The following MRTO4 variants were observed in gnomAD, a reference collection of about 807,000 sequenced individuals.
MRTO4 encodes the protein mRNA turnover protein 4 homolog.
MRTO4 carries 7 observed loss-of-function variants against 28.6 expected under a neutral mutation model. The observed-to-expected ratio is 0.24, with a 90% CI of 0.14 to 0.46. The LOEUF (loss-of-function observed/expected upper bound fraction) is 0.46. Among genes scored for constraint, MRTO4 ranks in the 20% least tolerant of loss-of-function variants. MRTO4 has a pLI of 0.99. For missense variants in MRTO4, 302 were observed against 298.3 expected (o/e 1.01, Z -0.09); for synonymous variants, 113 against 108.2 (o/e 1.04, Z -0.27).
intron 6 of MRTO4, 90 bp from the exon 7 acceptor site, chr1:19,258,387 G>A (rs2093674775): frequency 1.3e-6 from 2 of 1,498,762 alleles, no homozygotes; most frequent in African/African-American, 2.8e-5. Flanking sequence ...AGGGCAGGTG[G>A]CTGACTGGAT....
chr1:19,257,305 G>A, intron 4 of MRTO4, 149 bp from the exon 5 acceptor site: 1 of 1,163,806 alleles, frequency 8.6e-7, no homozygotes, highest in Non-Finnish European at 1.3e-6. Context: ...CGGACCCAAG[G>A]AATAGCAGCT....
rs374640659 is a variant in MRTO4 at position 19,258,572 on chromosome 1, G to A, written c.570+19G>A. The A allele has an allele frequency of 1.7e-5, 27 of 1,613,870 alleles. No individual in the cohort carries two copies. Among genetic ancestry groups the A allele is most frequent in the East Asian group, 6.7e-5 (3 of 44,894 alleles). ...CGTCCTGGTGAGTCTGGCGCCTTGC[G>A]GGCTGTTGCGGGCGGGGTTGCTGGC... On this transcript the variant is annotated intron_variant, in intron 7 of 7. Transcript: ENST00000330263.
At position 19,258,479 on chromosome 1, in the gene MRTO4, G is replaced by A. The variant is rs1213336995; in HGVS notation, c.496G>A (p.Val166Met). The change falls in exon 7 of 8, where the codon GTG becomes ATG. Residue 166 changes from valine to methionine, a missense_variant and splice_region_variant. Transcript: ENST00000330263. The stretch of plus-strand genomic sequence containing the variant: ...CTGAGAGCCACCCTCTTCTGCAGGT[G>A]TGGTGACTCTGCTGTCTGACTACGA... The part of the protein sequence containing the change: ...LGLPTALKRG[V>M]VTLLSDYEVC... 3 of 1,613,762 alleles carry A rather than the reference G, an allele frequency of 1.9e-6. No homozygotes were observed. The highest frequency in any genetic ancestry group is 2.5e-6 in the Non-Finnish European group (3 of 1,180,046).
At chr1:19,257,428 A>G in intron 4 of MRTO4, 26 bp from the exon 5 acceptor site, 2 of 1,613,860 alleles carry the variant, frequency 1.2e-6, no homozygotes. Context: ...TAATGTGACC[A>G]AGCTGTCCTC....
At chr1:19,258,413 C>A in intron 6 of MRTO4, 64 bp from the exon 7 acceptor site, 3 of 1,589,406 alleles carry the variant, frequency 1.9e-6, no homozygotes, top group South Asian at 1.1e-5. Flanking sequence ...CCAACATGAC[C>A]AGGGCAGAGA....
chr1:19,255,495 T>A (rs1264557049), intron 2 of MRTO4, among the ~76,000 whole-genome samples: 1 of 151,908 alleles, frequency 6.6e-6, no homozygotes, highest in Non-Finnish European at 1.5e-5. Flanking sequence ...CAACCTGGGC[T>A]GCAGGCTGGG....
In MRTO4 at chr1:19,259,031, G is replaced by C. The variant is rs975162227; in HGVS notation, c.*201G>C. The C allele has an allele frequency of 1.3e-5, 8 of 596,834 alleles. No individual in the cohort carries two copies. Among genetic ancestry groups the C allele is most frequent in the Non-Finnish European group, 2.3e-5 (8 of 349,938 alleles). The allele number at this position is 596,834 out of a possible 1,614,324, so 37.0% of individuals were successfully genotyped here. On this transcript the variant is annotated 3_prime_UTR_variant, in exon 8 of 8. Coordinates refer to ENST00000330263, the MANE Select transcript of MRTO4 (RefSeq NM_016183.4). ...GAATCCCAGCACTTTGGGAAGCCGA[G>C]GTGGGCAGATCATAAGGTCGGGAGA...
rs183271690 is a variant in MRTO4, at chr1:19,257,097, G to C, written c.225G>C (p.Val75=). 2.9e-5 allele frequency: 47 copies of C among 1,614,014 alleles called. No homozygotes were observed. The highest frequency in any genetic ancestry group is 3.8e-5 in the Non-Finnish European group (45 of 1,180,024). Residue 75 remains valine (V), a synonymous_variant, in exon 4 of 8, where the codon GTG becomes GTC. Coordinates refer to ENST00000330263, the MANE Select transcript of MRTO4 (RefSeq NM_016183.4). ...TTGGCAAAAACAAGGTGATGATGGT[G>C]GCCTTGGGTCGGAGCCCATCTGATG... The part of the protein sequence containing the change: ...MFFGKNKVMM[V]ALGRSPSDEY...
At chr1:19,257,744 C>G in intron 5 of MRTO4, 89 bp from the exon 6 acceptor site, 1 of 1,543,600 alleles carries the variant, frequency 6.5e-7, no homozygotes, top group African/African-American at 1.4e-5. Flanking sequence ...GGGGAAGGCC[C>G]AGGGCCACGG....
At chr1:19,255,913 T>C in intron 2 of MRTO4, 35 bp from the exon 3 acceptor site, 1 of 1,574,466 alleles carries the variant, frequency 6.4e-7, no homozygotes, top group Non-Finnish European at 8.7e-7. Flanking sequence ...TGTATGCTGC[T>C]GCTTGAACTC....
intron 2 of MRTO4, among the ~76,000 whole-genome samples, chr1:19,255,634 C>G (rs1161442265): frequency 1.3e-5 from 2 of 152,158 alleles, no homozygotes; most frequent in Non-Finnish European, 2.9e-5. Flanking sequence ...CCATGTGTTT[C>G]CATGTAGCAG....
intron 6 of MRTO4, 64 bp from the exon 7 acceptor site, chr1:19,258,413 C>T: frequency 5.7e-6 from 9 of 1,589,406 alleles, no homozygotes; most frequent in Non-Finnish European, 7.7e-6. Flanking sequence ...CCAACATGAC[C>T]AGGGCAGAGA....
rs771793428 is a variant in MRTO4, at chr1:19,257,984, G to A, written c.493G>A (p.Gly165Ser). Residue 165 changes from glycine to serine, a missense_variant and splice_region_variant, in exon 6 of 8, where the codon GGT (glycine) becomes AGT (serine). Gly to Ser is a moderately conservative substitution (Grantham distance 56, BLOSUM62 0). Coordinates refer to ENST00000330263, the MANE Select transcript of MRTO4 (RefSeq NM_016183.4). ...QLGLPTALKR[G>S]VVTLLSDYEV... ...GGGCCTGCCCACCGCCCTCAAGAGA[G>A]GTATGGGCAGCCCTGGAGCCAAAAG... 39 of 1,613,544 alleles carry A rather than the reference G, an allele frequency of 2.4e-5. 1 individual carries two copies. The South Asian group carries it at 3.6e-4, about 15-fold the overall frequency.
intron 1 of MRTO4, among the ~76,000 whole-genome samples, chr1:19,253,838 C>T (rs1024392414): frequency 1.3e-5 from 2 of 152,118 alleles, no homozygotes; most frequent in African/African-American, 2.4e-5. Flanking sequence ...GTTTCTGGAA[C>T]GATTTGATTC....
In MRTO4 at chr1:19,251,877, G is replaced by A. The variant is rs570613376; in HGVS notation, c.28+14G>A. The A allele has an allele frequency of 1.5e-5, 24 of 1,591,546 alleles. No homozygotes were observed. Among genetic ancestry groups the A allele is most frequent in the Non-Finnish European group, 2.1e-5 (24 of 1,169,716 alleles). On this transcript the variant is annotated intron_variant, in intron 1 of 7. Coordinates refer to ENST00000330263, the MANE Select transcript of MRTO4 (RefSeq NM_016183.4). ...GCGACAAGAAAGGTGGGCGAAGGGGGAGTCGGGACCCTGGGGGGAGCTCCG... is the reference window on the plus strand; with the variant it reads ...GCGACAAGAAAGGTGGGCGAAGGGGAAGTCGGGACCCTGGGGGGAGCTCCG...
chr1:19,251,890 G>C (rs1329663694), intron 1 of MRTO4, 27 bp downstream of exon 1: 2 of 1,586,206 alleles, frequency 1.3e-6, no homozygotes, highest in East Asian at 2.3e-5. Flanking sequence ...TCGGGACCCT[G>C]GGGGGAGCTC....
chr1:19,257,345 A>C, intron 4 of MRTO4, 109 bp from the exon 5 acceptor site: 1 of 1,370,832 alleles, frequency 7.3e-7, no homozygotes, highest in Non-Finnish European at 1.0e-6. Flanking sequence ...CTGCTATGAC[A>C]ACCAAAAACG....
intron 1 of MRTO4, among the ~76,000 whole-genome samples, chr1:19,253,118 T>C (rs1331424471): frequency 6.6e-6 from 1 of 152,228 alleles, no homozygotes; most frequent in African/African-American, 2.4e-5. Flanking sequence ...GAGAAACATA[T>C]TCCGCAAAAT....
intron 1 of MRTO4, 196 bp downstream of exon 1, chr1:19,252,059 T>C: frequency 2.6e-6 from 2 of 782,592 alleles, no homozygotes; most frequent in Non-Finnish European, 3.9e-6. Context: ...CCCGGTCGGG[T>C]CTGGGGAGCG....
Sources: allele counts gnomAD v4.1 joint callset (sites outside exome capture counted in the v4.1 genomes callset), GRCh38; gene constraint gnomAD v4.1.1; transcripts MANE v1.5; gene names NCBI Gene and HGNC (gene_info 2026-07-23, HGNC 2026-07-21).